Variants in SGCZ observed in about 807,000 individuals in gnomAD.
The protein encoded by SGCZ is zeta-sarcoglycan.
A neutral mutation model predicts 41.3 loss-of-function variants in SGCZ; 40 were observed. That is an observed-to-expected ratio of 0.97 (90% CI 0.75 to 1.26). The LOEUF is 1.26. Ranked by LOEUF, SGCZ falls within the 50% of genes most tolerant of loss-of-function variation. The pLI, the probability that SGCZ is intolerant of heterozygous loss-of-function variation, is 0.00. For missense variants in SGCZ, 552 were observed against 369.8 expected (o/e 1.49, Z -4.04); for synonymous variants, 206 against 137.5 (o/e 1.50, Z -3.49).
chr8:14,740,600 T>C (rs889285960), intron 1 of SGCZ, among the ~76,000 whole-genome samples: 6 of 152,052 alleles, frequency 3.9e-5, no homozygotes, highest in African/African-American at 1.4e-4. Flanking sequence ...AATTAAGAGC[T>C]GACATAGGCA....
At chr8:14,696,638 C>T (rs981099160) in intron 1 of SGCZ, among the ~76,000 whole-genome samples, 1 of 152,038 alleles carries the variant, frequency 6.6e-6, no homozygotes, top group African/African-American at 2.4e-5. Flanking sequence ...ATTTATTCAG[C>T]CTCTCTTCTG....
At chr8:15,138,936 C>T (rs149068776) in intron 1 of SGCZ, among the ~76,000 whole-genome samples, 103 of 152,160 alleles carry the variant, frequency 6.8e-4, no homozygotes, top group Non-Finnish European at 1.1e-3. Context: ...GAAATGCCAA[C>T]GAGAAAAATC....
At chr8:14,900,853 C>T (rs1443868753) in intron 1 of SGCZ, among the ~76,000 whole-genome samples, 5 of 152,072 alleles carry the variant, frequency 3.3e-5, no homozygotes, top group Non-Finnish European at 1.5e-5. Flanking sequence ...CCCATATTGG[C>T]CTACTATAGA....
At chr8:14,693,381 T>G (rs1253598550) in intron 1 of SGCZ, among the ~76,000 whole-genome samples, 1 of 151,322 alleles carries the variant, frequency 6.6e-6, no homozygotes, top group Non-Finnish European at 1.5e-5. Flanking sequence ...AACCTCTGTC[T>G]CCTAGGTTCA....
chr8:14,991,452 C>G (rs1022641004), intron 1 of SGCZ, among the ~76,000 whole-genome samples: 4 of 152,138 alleles, frequency 2.6e-5, no homozygotes, highest in African/African-American at 9.7e-5. Context: ...GATAAAGACA[C>G]TGCATATACC....
rs529863475 is a variant in SGCZ, at chr8:14,285,325, G to A, written c.336+38778C>T. On this transcript the variant is annotated intron_variant, in intron 3 of 7. Transcript: ENST00000382080. The stretch of plus-strand genomic sequence containing the variant: ...AAGGGAGGAGCAACCTGTTTGTTTG[G>A]GACTTATTTCCTCCTTGTATTGAAA... 1.7e-4 allele frequency among the ~76,000 whole-genome samples: 26 copies of A among 152,070 alleles called. No individual in the cohort carries two copies. The South Asian group carries it at 4.4e-3, about 26-fold the overall frequency.
intron 5 of SGCZ, among the ~76,000 whole-genome samples, chr8:14,153,287 G>A (rs539667616): frequency 4.1e-4 from 63 of 152,214 alleles, no homozygotes; most frequent in African/African-American, 1.5e-3. Flanking sequence ...ATAAACTCAG[G>A]ATTTGGGGAC....
chr8:14,574,718 G>C (rs376936811), intron 1 of SGCZ, among the ~76,000 whole-genome samples: 45 of 152,224 alleles, frequency 3.0e-4, no homozygotes, highest in Non-Finnish European at 4.4e-4. Context: ...AAATTAATTA[G>C]TTATGTTTTT....
chr8:14,507,456 G>A (rs1219089920), intron 2 of SGCZ, among the ~76,000 whole-genome samples: 1 of 152,092 alleles, frequency 6.6e-6, no homozygotes, highest in Non-Finnish European at 1.5e-5. Flanking sequence ...TATGTCACAT[G>A]CCTTCAAAAA....
At chr8:14,953,397 C>T (rs894417887) in intron 1 of SGCZ, among the ~76,000 whole-genome samples, 11 of 152,118 alleles carry the variant, frequency 7.2e-5, no homozygotes, top group African/African-American at 1.9e-4. Flanking sequence ...ATTCAATCGC[C>T]GTCCACTAGG....
intron 2 of SGCZ, among the ~76,000 whole-genome samples, chr8:14,522,274 G>A (rs1563383802): frequency 6.6e-6 from 1 of 151,950 alleles, no homozygotes; most frequent in Non-Finnish European, 1.5e-5. Context: ...GTTAATAATA[G>A]TGTGTTCCCT....
At chr8:14,528,995 CA>C (rs1563388781) in intron 2 of SGCZ, among the ~76,000 whole-genome samples, 1 of 151,870 alleles carries the variant, frequency 6.6e-6, no homozygotes, top group Non-Finnish European at 1.5e-5. Context: ...CCAACTAAAC[CA>C]AAAATGGCTT....
At chr8:14,267,860 A>G (rs1230364060) in intron 3 of SGCZ, among the ~76,000 whole-genome samples, 4 of 152,004 alleles carry the variant, frequency 2.6e-5, no homozygotes, top group East Asian at 3.9e-4. Context: ...CTCAAGGTAT[A>G]TATTCTTAAG....
chr8:14,929,439 T>TATG, intron 1 of SGCZ, among the ~76,000 whole-genome samples: 1 of 151,956 alleles, frequency 6.6e-6, no homozygotes, highest in African/African-American at 2.4e-5. Flanking sequence ...CCAGATATGT[T>TATG]GTTAGGAAAG....
chr8:14,344,961 G>A (rs1430142552), intron 2 of SGCZ, among the ~76,000 whole-genome samples: 1 of 152,028 alleles, frequency 6.6e-6, no homozygotes, highest in Non-Finnish European at 1.5e-5. Flanking sequence ...AATTTTGACA[G>A]TAATTTCACT....
intron 1 of SGCZ, among the ~76,000 whole-genome samples, chr8:14,600,591 G>C (rs979565196): frequency 6.6e-6 from 1 of 152,206 alleles, no homozygotes; most frequent in Non-Finnish European, 1.5e-5. Context: ...GGAGGATGCA[G>C]GTATAATCCA....
intron 5 of SGCZ, among the ~76,000 whole-genome samples, chr8:14,127,369 G>A (rs535761880): frequency 4.6e-5 from 7 of 152,122 alleles, no homozygotes; most frequent in Non-Finnish European, 8.8e-5. Flanking sequence ...ACTGTGTTTT[G>A]TCAGTGGCAA....
chr8:14,815,474 G>A (rs187856995), intron 1 of SGCZ, among the ~76,000 whole-genome samples: 20 of 151,912 alleles, frequency 1.3e-4, no homozygotes, highest in Admixed American at 1.2e-3. Context: ...ATAAAAACAG[G>A]ACCTTTGTGA....
intron 5 of SGCZ, among the ~76,000 whole-genome samples, chr8:14,123,043 T>A (rs183867493): frequency 6.6e-6 from 1 of 152,328 alleles, no homozygotes; most frequent in Admixed American, 6.5e-5. Context: ...GAAGTCATGA[T>A]AGTTCTGTCA....
Sources: allele counts gnomAD v4.1 joint callset (sites outside exome capture counted in the v4.1 genomes callset), GRCh38; gene constraint gnomAD v4.1.1; transcripts MANE v1.5; gene names NCBI Gene and HGNC (gene_info 2026-07-23, HGNC 2026-07-21).